Variants in STK31 observed in about 807,000 individuals in gnomAD.
The protein encoded by STK31 is serine/threonine kinase 31.
Under a neutral mutation model 129.7 loss-of-function variants are expected in STK31, and 89 were observed. That is an observed-to-expected ratio of 0.69 (90% CI 0.58 to 0.82). STK31 has a LOEUF of 0.82. STK31 is among the 40% of genes least tolerant of loss of function. The pLI is 0.00. For synonymous variants in STK31, 448 were observed against 395.3 expected (o/e 1.13, Z -1.58); for missense variants, 1,187 against 1,176.4 (o/e 1.01, Z -0.13).
At chr7:23,764,493 C>A (rs1249087621) in intron 11 of STK31, among the ~76,000 whole-genome samples, 2 of 152,126 alleles carry the variant, frequency 1.3e-5, no homozygotes, top group Non-Finnish European at 2.9e-5. Context: ...AATGAAAGTT[C>A]TTGATTTCTG....
chr7:23,819,533 G>A (rs1301441128), intron 23 of STK31, among the ~76,000 whole-genome samples: 1 of 151,886 alleles, frequency 6.6e-6, no homozygotes, highest in Non-Finnish European at 1.5e-5. Context: ...TCCTGCCTCA[G>A]CAGCTTGAGT....
chr7:23,773,333 G>A (rs991098776), intron 15 of STK31, among the ~76,000 whole-genome samples: 16 of 152,040 alleles, frequency 1.1e-4, no homozygotes, highest in African/African-American at 3.6e-4. Context: ...GAGACTGATG[G>A]TTTCCAGTTT....
chr7:23,815,527 A>G (rs1401666562), intron 23 of STK31, among the ~76,000 whole-genome samples: 1 of 152,158 alleles, frequency 6.6e-6, no homozygotes, highest in Non-Finnish European at 1.5e-5. Context: ...GTAAGTACCT[A>G]ACTATATCTT....
In STK31 at chr7:23,830,335, C is replaced by T. The variant is rs76559306; in HGVS notation, c.2830-1801C>T. Among the ~76,000 whole-genome samples the T allele has an allele frequency of 2.1e-3, 313 of 151,984 alleles. 1 individual carries two copies. Among genetic ancestry groups the T allele is most frequent in the African/African-American group, 7.3e-3 (302 of 41,464 alleles). ...TTCTTCGTTTTCTACTAATATGTAT[C>T]AGGTTGTTTATTTGTAATCTTACTC... On this transcript the variant is annotated intron_variant, in intron 23 of 23. Transcript: ENST00000355870.
chr7:23,821,874 T>A (rs1793803463), intron 23 of STK31, among the ~76,000 whole-genome samples: 1 of 152,204 alleles, frequency 6.6e-6, no homozygotes, highest in Non-Finnish European at 1.5e-5. Flanking sequence ...TGCGTATGGC[T>A]ATCCAGTTTT....
intron 22 of STK31, among the ~76,000 whole-genome samples, chr7:23,798,357 T>C (rs1792132774): frequency 6.6e-6 from 1 of 151,878 alleles, no homozygotes; most frequent in Admixed American, 6.6e-5. Flanking sequence ...CTCAATAAAA[T>C]ACTGGCAAAC....
Position 23,710,269 on chromosome 7 carries a change from A to AG in STK31, c.-14dup. The stretch of plus-strand genomic sequence containing the variant: ...GCTGCACGTGTGCTACGGCGGGCGG[A>AG]GGGCCGAAAGTCCAGTATGTGGGTC... On this transcript the variant is annotated 5_prime_UTR_variant, in exon 1 of 24. Transcript: ENST00000355870. 1 of 1,597,932 alleles carries AG rather than the reference A, an allele frequency of 6.3e-7. No individual in the cohort carries two copies. The highest frequency in any genetic ancestry group is 8.5e-7 in the Non-Finnish European group (1 of 1,174,508).
rs1434279284 is a variant in STK31 at position 23,711,885 on chromosome 7, G to T, written c.51-214G>T. 2.0e-5 allele frequency among the ~76,000 whole-genome samples: 3 copies of T among 152,126 alleles called. No homozygotes were observed. In the East Asian group the frequency reaches 5.8e-4, roughly 29 times the overall value. ...AAGTTTGGCTAGAGATAATTTTAAG[G>T]ATAGAGATTATATATGATAAAATTG... On this transcript the variant is annotated intron_variant, in intron 1 of 23. Transcript: ENST00000355870.
At chr7:23,798,400 C>T (rs1166423845) in intron 22 of STK31, among the ~76,000 whole-genome samples, 3 of 148,966 alleles carry the variant, frequency 2.0e-5, no homozygotes, top group African/African-American at 5.0e-5. Flanking sequence ...AGCTTATCCA[C>T]AACAATCAAG....
chr7:23,719,993 A>T (rs1175472688), intron 4 of STK31, among the ~76,000 whole-genome samples: 2 of 152,158 alleles, frequency 1.3e-5, no homozygotes, highest in African/African-American at 2.4e-5. Flanking sequence ...AATATGTTAC[A>T]TTGTACACCT....
intron 8 of STK31, among the ~76,000 whole-genome samples, chr7:23,748,409 T>G (rs1304452984): frequency 1.3e-5 from 2 of 152,184 alleles, no homozygotes; most frequent in Non-Finnish European, 2.9e-5. Context: ...TTGACAGGAA[T>G]GTATATTCTG....
chr7:23,786,204 C>A (rs148344907), intron 18 of STK31, among the ~76,000 whole-genome samples: 202 of 151,898 alleles, frequency 1.3e-3, no homozygotes, highest in African/African-American at 4.5e-3. Context: ...GTTATCAGTA[C>A]AATCTTCTAC....
At chr7:23,737,369 T>C (rs932806311) in intron 8 of STK31, among the ~76,000 whole-genome samples, 1 of 152,230 alleles carries the variant, frequency 6.6e-6, no homozygotes, top group Non-Finnish European at 1.5e-5. Flanking sequence ...GAGACTTGAA[T>C]AATTAATTCT....
intron 5 of STK31, chr7:23,727,552 AGTTC>A: frequency 2.4e-5 from 6 of 250,746 alleles, no homozygotes; most frequent in Non-Finnish European, 4.3e-5. Context: ...TTTTTACCTC[AGTTC>A]TTTTTTTTTT....
intron 15 of STK31, among the ~76,000 whole-genome samples, chr7:23,773,150 C>G (rs1790307748): frequency 1.3e-5 from 2 of 151,864 alleles, no homozygotes; most frequent in Non-Finnish European, 2.9e-5. Context: ...ACCCATCAAC[C>G]CGTCACCTAC....
Position 23,786,589 on chromosome 7 carries a change from G to A in STK31, c.2356G>A (p.Gly786Arg), listed in dbSNP as rs766660012. ...TYHRAWREAEGDSGLLPLIFL... is the reference protein window; with the variant it reads ...TYHRAWREAERDSGLLPLIFL... Reference sequence around the variant, plus strand: ...CCATAGAGCTTGGAGAGAAGCTGAAGGAGACTCAGGGTTACTGCCATTGAT... The same window carrying A: ...CCATAGAGCTTGGAGAGAAGCTGAAAGAGACTCAGGGTTACTGCCATTGAT... Residue 786 changes from glycine to arginine, a missense_variant, in exon 19 of 24, where the codon GGA (glycine) becomes AGA (arginine). Physicochemically the swap from Gly to Arg is moderately radical, Grantham distance 125. Around this residue, in one of 5 missense-constraint regions of STK31, gnomAD observed 975 missense variants for 934.9 expected, o/e 1.04. Coordinates refer to ENST00000355870, the MANE Select transcript of STK31 (RefSeq NM_031414.5). The A allele has an allele frequency of 1.2e-6, 2 of 1,613,760 alleles. No individual in the cohort carries two copies. The highest frequency in any genetic ancestry group is 1.7e-6 in the Non-Finnish European group (2 of 1,179,844).
At chr7:23,728,302 AAG>A (rs1490081776) in intron 5 of STK31, among the ~76,000 whole-genome samples, 2 of 152,092 alleles carry the variant, frequency 1.3e-5, no homozygotes, top group Non-Finnish European at 2.9e-5. Context: ...TTCAGGATAA[AAG>A]AGAAAAAGTT....
At chr7:23,781,659 G>A (rs1246764702) in intron 16 of STK31, 139 bp downstream of exon 16, 7 of 527,200 alleles carry the variant, frequency 1.3e-5, no homozygotes, top group Non-Finnish European at 2.3e-5. Context: ...GACCTGGTAA[G>A]ATTTTTGTAA....
intron 21 of STK31, among the ~76,000 whole-genome samples, chr7:23,790,183 T>G (rs74665064): frequency 0.011 from 1,732 of 152,278 alleles, 31 homozygotes; most frequent in African/African-American, 0.038. Context: ...ATGCTAGGCA[T>G]TGTATCTCTG....
Sources: allele counts gnomAD v4.1 joint callset (sites outside exome capture counted in the v4.1 genomes callset), GRCh38; gene constraint gnomAD v4.1.1; regional missense constraint gnomAD v4.1.1; transcripts MANE v1.5; gene names NCBI Gene and HGNC (gene_info 2026-07-23, HGNC 2026-07-21).